Variants in ANK1 observed in about 807,000 individuals in gnomAD.
ANK1 encodes the protein ankyrin 1.
In ANK1, 51 loss-of-function variants were observed where a neutral mutation model predicts 210.4. The ratio of observed to expected loss-of-function variants is 0.24; its 90% CI spans 0.19 to 0.31. The LOEUF (loss-of-function observed/expected upper bound fraction) is 0.31, where lower values mean the gene tolerates loss of function less well. ANK1 is among the 10% of genes least tolerant of loss of function. The pLI is 1.00. For synonymous variants in ANK1, 967 were observed against 1,025.9 expected (o/e 0.94, Z 1.10); for missense variants, 2,051 against 2,504.4 (o/e 0.82, Z 3.86).
At chr8:41,703,368 GTA>G (rs1823387994) in intron 20 of ANK1, among the ~76,000 whole-genome samples, 1 of 143,192 alleles carries the variant, frequency 7.0e-6, no homozygotes, top group Admixed American at 7.1e-5. Context: ...TATGTGGTAT[GTA>G]TGTGTGTGTG....
At chr8:41,835,141 G>A (rs187385566) in intron 1 of ANK1, among the ~76,000 whole-genome samples, 7 of 152,366 alleles carry the variant, frequency 4.6e-5, no homozygotes, top group Admixed American at 1.3e-4. Context: ...TTGGAGGGCC[G>A]GGGGTCCCTT....
At chr8:41,861,833 AG>A (rs1445281586) in intron 1 of ANK1, among the ~76,000 whole-genome samples, 1 of 152,222 alleles carries the variant, frequency 6.6e-6, no homozygotes. Flanking sequence ...TGAATCTTAC[AG>A]GAGACTCACA....
intron 2 of ANK1, among the ~76,000 whole-genome samples, chr8:41,751,881 C>A (rs377427527): frequency 1.3e-5 from 2 of 152,094 alleles, no homozygotes; most frequent in Non-Finnish European, 2.9e-5. Context: ...AAATCTAAGC[C>A]CTCACCAATG....
chr8:41,879,287 G>A (rs996604467), intron 1 of ANK1, among the ~76,000 whole-genome samples: 1 of 151,966 alleles, frequency 6.6e-6, no homozygotes, highest in African/African-American at 2.4e-5. Context: ...GCCCTCCTGC[G>A]TTTGTTGTGA....
chr8:41,793,031 G>C (rs1282389346), intron 1 of ANK1, among the ~76,000 whole-genome samples: 1 of 152,228 alleles, frequency 6.6e-6, no homozygotes, highest in Admixed American at 6.5e-5. Context: ...AGTGCAGCCT[G>C]TTGAAGGAAC....
chr8:41,728,767 C>T (rs570059507), intron 3 of ANK1, among the ~76,000 whole-genome samples: 3 of 152,242 alleles, frequency 2.0e-5, no homozygotes, highest in South Asian at 4.2e-4. Flanking sequence ...AAAACACCCC[C>T]CGCCAACACA....
intron 3 of ANK1, among the ~76,000 whole-genome samples, chr8:41,732,465 T>C (rs373211395): frequency 5.3e-5 from 8 of 152,162 alleles, no homozygotes; most frequent in Admixed American, 2.0e-4. Context: ...CAGGCTGGAG[T>C]GCAATGGCGC....
chr8:41,717,432 A>C (rs1028440621), intron 12 of ANK1, among the ~76,000 whole-genome samples, 172 bp downstream of exon 12: 3 of 152,248 alleles, frequency 2.0e-5, no homozygotes, highest in African/African-American at 7.2e-5. Context: ...ATGTGTGAGA[A>C]ATTTAATCCA....
At chr8:41,822,525 A>G (rs549594461) in intron 1 of ANK1, among the ~76,000 whole-genome samples, 80 of 152,240 alleles carry the variant, frequency 5.3e-4, no homozygotes, top group Non-Finnish European at 9.1e-4. Flanking sequence ...TCATGTGCCA[A>G]TACATGATGT....
intron 2 of ANK1, among the ~76,000 whole-genome samples, chr8:41,755,219 C>A (rs548350332): frequency 3.9e-5 from 6 of 152,186 alleles, no homozygotes; most frequent in Non-Finnish European, 8.8e-5. Flanking sequence ...GAGCCCAAAA[C>A]GAACCGAAGA....
At chr8:41,839,975 T>C (rs1384340478) in intron 1 of ANK1, 2 of 152,172 alleles carry the variant, frequency 1.3e-5, no homozygotes, top group African/African-American at 4.8e-5. Context: ...ATGGGGCTTA[T>C]GGGAGCTCTC....
At chr8:41,835,952 G>C (rs1563875069) in intron 1 of ANK1, among the ~76,000 whole-genome samples, 1 of 152,246 alleles carries the variant, frequency 6.6e-6, no homozygotes, top group Non-Finnish European at 1.5e-5. Context: ...CCACCAGGGA[G>C]GGGAGAGGGC....
At position 41,658,601 on chromosome 8, in the gene ANK1, C is replaced by T. The variant is rs149952441; in HGVS notation, c.*36+2829G>A. Among the ~76,000 whole-genome samples, 260 of 152,240 alleles carry T rather than the reference C, an allele frequency of 1.7e-3. 2 individuals carry two copies. The highest frequency in any genetic ancestry group is 0.014 in the Middle Eastern group (4 of 294). On this transcript the variant is annotated intron_variant, in intron 42 of 42. Coordinates refer to ENST00000289734, the MANE Select transcript of ANK1 (RefSeq NM_000037.4). ...CCATAGCTCTGTTCTATAAATTAGT[C>T]GCTGTTTGAGGCTGTGCACAGTGGC...
Position 41,714,261 on chromosome 8 carries a change from G to C in ANK1, c.1702-7C>G, listed in dbSNP as rs1332617109. 6 of 1,540,878 alleles carry C rather than the reference G, an allele frequency of 3.9e-6. No individual in the cohort carries two copies. Among genetic ancestry groups the C allele is most frequent in the Non-Finnish European group, 3.5e-6 (4 of 1,135,408 alleles). On this transcript the variant is annotated splice_polypyrimidine_tract_variant and splice_region_variant and intron_variant, in intron 15 of 42. Transcript: ENST00000289734. ...GCAGGGGGGTCAGGCCATTCTGCAGGGGACAAAGACAAAAGAGGCCGGCTG... is the reference window on the plus strand; with the variant it reads ...GCAGGGGGGTCAGGCCATTCTGCAGCGGACAAAGACAAAAGAGGCCGGCTG...
intron 3 of ANK1, among the ~76,000 whole-genome samples, chr8:41,729,340 T>C (rs959103911): frequency 2.6e-4 from 40 of 152,214 alleles, no homozygotes; most frequent in African/African-American, 9.7e-4. Context: ...TAAGAACCAA[T>C]AGCAGAGACT....
intron 36 of ANK1, 95 bp from the exon 37 acceptor site, chr8:41,684,785 G>C (rs900826455): frequency 2.7e-5 from 40 of 1,503,168 alleles, no homozygotes; most frequent in Non-Finnish European, 3.4e-5. Context: ...ATGGAGAAAG[G>C]AGATAATTTT....
intron 2 of ANK1, among the ~76,000 whole-genome samples, chr8:41,745,757 G>C (rs1835967389): frequency 6.6e-6 from 1 of 152,148 alleles, no homozygotes; most frequent in Non-Finnish European, 1.5e-5. Context: ...GGAGTACTAT[G>C]GCTATTCACA....
At chr8:41,827,185 T>C (rs1193580918) in intron 1 of ANK1, among the ~76,000 whole-genome samples, 4 of 152,234 alleles carry the variant, frequency 2.6e-5, no homozygotes, top group Admixed American at 2.6e-4. Flanking sequence ...CTTTTTTTGT[T>C]TCTATGCAAA....
At chr8:41,669,035 C>A (rs1317811886) in intron 38 of ANK1, among the ~76,000 whole-genome samples, 1 of 151,630 alleles carries the variant, frequency 6.6e-6, no homozygotes, top group Non-Finnish European at 1.5e-5. Context: ...GCTAGCCTGG[C>A]GTCTCCCCCT....
Sources: gnomAD v4.1 joint callset for allele counts (sites outside exome capture counted in the v4.1 genomes callset) on GRCh38, gnomAD v4.1.1 for gene constraint, MANE v1.5 for transcripts, NCBI Gene and HGNC (gene_info 2026-07-23, HGNC 2026-07-21) for gene names.